TXN: variants seen among roughly 807,000 people sequenced by gnomAD.
TXN encodes thioredoxin, also known as ADF.
A neutral mutation model predicts 16.5 loss-of-function variants in TXN; 10 were observed. The ratio of observed to expected loss-of-function variants is 0.61; its 90% CI spans 0.37 to 1.03. TXN has a LOEUF of 1.03. TXN is among the 50% of genes least tolerant of loss of function. The pLI, the probability that TXN is intolerant of heterozygous loss-of-function variation, is 0.01. For synonymous variants in TXN, 35 were observed against 39.4 expected (o/e 0.89, Z 0.42); for missense variants, 71 against 122.5 (o/e 0.58, Z 1.98).
chr9:110,256,088 C>T lies in TXN; in HGVS notation c.24+324G>A, dbSNP rs1463172800. On this transcript the variant is annotated intron_variant, in intron 1 of 4. Transcript: ENST00000374517. This position sits in a 1 kb window ranked among gnomAD's most constrained non-coding sequence, Gnocchi z 4.2. Reference sequence around the variant, plus strand: ...GGGGACTCCTCACGCTGTCTGCGCTCTCACATCCCCCGGACGCTCCCCGCG... The same window carrying T: ...GGGGACTCCTCACGCTGTCTGCGCTTTCACATCCCCCGGACGCTCCCCGCG... 6.6e-6 allele frequency among the ~76,000 whole-genome samples: 1 copy of T among 152,192 alleles called. No homozygotes were observed. The highest frequency in any genetic ancestry group is 6.5e-5 in the Admixed American group (1 of 15,290).
chr9:110,253,129 A>T (rs193099527), intron 1 of TXN, among the ~76,000 whole-genome samples: 60 of 151,902 alleles, frequency 3.9e-4, no homozygotes, highest in Admixed American at 6.6e-4. Context: ...TAAATAAAAA[A>T]CCATAAGATA....
rs142333432 is a variant in TXN at position 110,246,909 on chromosome 9, G to A, written c.190-2066C>T. On this transcript the variant is annotated intron_variant, in intron 3 of 4. Coordinates refer to ENST00000374517, the MANE Select transcript of TXN (RefSeq NM_003329.4). ...AATAAGTATCATAACCCTGTTGGCT[G>A]TCAGAGAAATAAGGTTGGTCTATCA... Among the ~76,000 whole-genome samples, 15 of 152,324 alleles carry A rather than the reference G, an allele frequency of 9.8e-5. No homozygotes were observed. The East Asian group carries it at 2.7e-3, about 27-fold the overall frequency.
intron 1 of TXN, among the ~76,000 whole-genome samples, chr9:110,252,249 A>G (rs950350397): frequency 1.3e-5 from 2 of 148,856 alleles, no homozygotes; most frequent in African/African-American, 4.9e-5. Flanking sequence ...AAAAAAAGCT[A>G]TGACTTTTGA....
At chr9:110,245,109 A>G in intron 3 of TXN, 1 of 295,224 alleles carries the variant, frequency 3.4e-6, no homozygotes, top group East Asian at 6.4e-5. Context: ...GAATGTTACT[A>G]GCATCAGATA....
intron 1 of TXN, among the ~76,000 whole-genome samples, chr9:110,253,895 A>C (rs1251188376): frequency 1.3e-5 from 2 of 152,182 alleles, no homozygotes; most frequent in Non-Finnish European, 2.9e-5. Flanking sequence ...ATCTGGGGGA[A>C]GCAGAACAGT....
At chr9:110,245,744 C>T (rs1244763969) in intron 3 of TXN, among the ~76,000 whole-genome samples, 19 of 146,042 alleles carry the variant, frequency 1.3e-4, no homozygotes, top group Middle Eastern at 3.3e-3. Context: ...CCACCTTCCT[C>T]GGGCTCCCAA....
rs72757055 is a variant in TXN, at chr9:110,252,245, A to G, written c.25-783T>C. The stretch of plus-strand genomic sequence containing the variant: ...TCGCAAAAAAAAAAAAAAAAAAAAA[A>G]GCTATGACTTTTGATTAAACTCATT... On this transcript the variant is annotated intron_variant, in intron 1 of 4. Coordinates refer to ENST00000374517, the MANE Select transcript of TXN (RefSeq NM_003329.4). Among the ~76,000 whole-genome samples the G allele has an allele frequency of 2.3e-3, 316 of 136,158 alleles. 9 individuals carry two copies. Among genetic ancestry groups the G allele is most frequent in the African/African-American group, 6.1e-3 (226 of 37,278 alleles). The allele number at this position is 136,158 out of a possible 152,430, so 89.3% of individuals were successfully genotyped here.
At chr9:110,245,616 C>T (rs1287459191) in intron 3 of TXN, among the ~76,000 whole-genome samples, 1 of 73,640 alleles carries the variant, frequency 1.4e-5, no homozygotes, top group African/African-American at 5.6e-5. Context: ...CACACACACA[C>T]ACTATATATA....
chr9:110,250,677 C>T, intron 3 of TXN, 143 bp downstream of exon 3: 1 of 689,936 alleles, frequency 1.4e-6, no homozygotes, highest in Non-Finnish European at 2.5e-6. Flanking sequence ...TCCTAACTTG[C>T]CTGCTCTTCT....
chr9:110,248,190 A>AAAAG (rs1207734133), intron 3 of TXN, among the ~76,000 whole-genome samples: 1 of 151,828 alleles, frequency 6.6e-6, no homozygotes, highest in Non-Finnish European at 1.5e-5. Flanking sequence ...TATTGCTGAA[A>AAAAG]AAAGAAATTT....
At chr9:110,246,089 A>C (rs1368930188) in intron 3 of TXN, among the ~76,000 whole-genome samples, 1 of 137,480 alleles carries the variant, frequency 7.3e-6, no homozygotes, top group Non-Finnish European at 1.6e-5. Context: ...AGACTTTGTG[A>C]ATTCTCAAAC....
chr9:110,244,299 T>A (rs781069659), intron 4 of TXN, 80 bp from the exon 5 acceptor site: 9 of 366,968 alleles, frequency 2.5e-5, no homozygotes, highest in Non-Finnish European at 4.1e-5. Flanking sequence ...AAATATGTAT[T>A]TATATATATA....
At position 110,256,368 on chromosome 9, in the gene TXN, CCGCGCGCGG is replaced by C. The variant is rs1479210876; in HGVS notation, c.24+35_24+43del. On this transcript the variant is annotated intron_variant, in intron 1 of 4. Coordinates refer to ENST00000374517, the MANE Select transcript of TXN (RefSeq NM_003329.4). This position sits in a 1 kb window ranked among gnomAD's most constrained non-coding sequence, Gnocchi z 4.2. ...CCACCGCCTTCCCCAGTTACAGAGG[CCGCGCGCGG>C]CGCCGGCACCCTGGCCTTCCCCGGT... 1 of 1,590,260 alleles carries C rather than the reference CCGCGCGCGG, an allele frequency of 6.3e-7. No homozygotes were observed. The highest frequency in any genetic ancestry group is 8.6e-7 in the Non-Finnish European group (1 of 1,168,958).
chr9:110,251,009 GGAGA>G, intron 2 of TXN, 130 bp from the exon 3 acceptor site: 3 of 687,900 alleles, frequency 4.4e-6, no homozygotes, highest in South Asian at 2.0e-5. Context: ...TTAGATCTTT[GGAGA>G]CATAGATCTA....
At chr9:110,247,313 ACT>A (rs1837672385) in intron 3 of TXN, among the ~76,000 whole-genome samples, 1 of 139,774 alleles carries the variant, frequency 7.2e-6, no homozygotes, top group Non-Finnish European at 1.5e-5. Context: ...ACAGAGTGAG[ACT>A]CTGTCTCAAA....
At position 110,243,957 on chromosome 9, in the gene TXN, G is replaced by C; in HGVS notation, c.*200C>G. 1 of 304,016 alleles carries C rather than the reference G, an allele frequency of 3.3e-6. No homozygotes were observed. The highest frequency in any genetic ancestry group is 6.2e-6 in the Non-Finnish European group (1 of 161,586). 18.8% of individuals were successfully genotyped at this position (304,016 alleles called of 1,614,324 possible). On this transcript the variant is annotated 3_prime_UTR_variant, in exon 5 of 5. Transcript: ENST00000374517. ...TACTAAAAAGTGATTGAGAATATAG[G>C]AAAATACATTAAATGACCATTTCAC...
chr9:110,244,880 C>T lies in TXN; in HGVS notation c.190-37G>A, dbSNP rs781221764. 1.9e-6 allele frequency: 3 copies of T among 1,556,676 alleles called. No homozygotes were observed. The South Asian group carries it at 3.3e-5, about 17-fold the overall frequency. On this transcript the variant is annotated intron_variant, in intron 3 of 4. Transcript: ENST00000374517. ...AGTAGCAAAGGGAGAGGATTAAATA[C>T]AAGACTGCGAGTACTGAGCTTTGAC...
At chr9:110,247,169 G>A (rs1293254555) in intron 3 of TXN, among the ~76,000 whole-genome samples, 7 of 151,968 alleles carry the variant, frequency 4.6e-5, no homozygotes, top group Non-Finnish European at 8.8e-5. Context: ...CTAAAAAGTT[G>A]AAATTTAGCC....
chr9:110,244,952 T>G (rs932870566), intron 3 of TXN, 109 bp from the exon 4 acceptor site: 2 of 750,294 alleles, frequency 2.7e-6, no homozygotes, highest in Non-Finnish European at 4.6e-6. Flanking sequence ...GTACCCCACA[T>G]TTCCGCATGA....
Sources: gnomAD v4.1 joint callset for allele counts (sites outside exome capture counted in the v4.1 genomes callset) on GRCh38, gnomAD v4.1.1 for gene constraint, Gnocchi (gnomAD v3.1) non-coding constraint, MANE v1.5 for transcripts, NCBI Gene and HGNC (gene_info 2026-07-23, HGNC 2026-07-21) for gene names.